Variants in GPANK1 observed in about 807,000 individuals in gnomAD.
GPANK1 encodes the protein G patch domain and ankyrin repeat-containing protein 1.
In GPANK1, 22 loss-of-function variants were observed where a neutral mutation model predicts 24.0. The observed-to-expected ratio is 0.92, with a 90% CI of 0.66 to 1.31. The LOEUF (loss-of-function observed/expected upper bound fraction) is 1.31, where lower values mean the gene tolerates loss of function less well. Among genes scored for constraint, GPANK1 ranks in the 50% most tolerant of loss-of-function variants. The pLI is 0.00. For missense variants in GPANK1, 469 were observed against 453.5 expected, an observed-to-expected ratio of 1.03 and a Z score of -0.31; for synonymous variants, 174 against 177.4, an observed-to-expected ratio of 0.98 and a Z score of 0.15.
In GPANK1 at chr6:31,664,970, C is replaced by T. The variant is rs753621604; in HGVS notation, c.-229G>A. On this transcript the variant is annotated 5_prime_UTR_variant, in exon 1 of 3. Coordinates refer to ENST00000375896, the MANE Select transcript of GPANK1 (RefSeq NM_033177.4). ...CGGGGAGAGTCTCCTATACGTGTTG[C>T]TGTGTAGCTTCCGTACCGCAAAATG... 11 of 234,734 alleles carry T rather than the reference C, an allele frequency of 4.7e-5. No homozygotes were observed. The highest frequency in any genetic ancestry group is 1.0e-4 in the Admixed American group (2 of 19,756). The allele number at this position is 234,734 out of a possible 1,614,324, so 14.5% of individuals were successfully genotyped here.
At position 31,662,038 on chromosome 6, in the gene GPANK1, C is replaced by G; in HGVS notation, c.*228G>C. The G allele has an allele frequency of 2.4e-6, 1 of 418,258 alleles. No homozygotes were observed. The highest frequency in any genetic ancestry group is 4.2e-6 in the Non-Finnish European group (1 of 237,430). The allele number at this position is 418,258 out of a possible 1,614,324, so 25.9% of individuals were successfully genotyped here. A position where few individuals can be genotyped will look rare whatever the true frequency, so the allele number is the denominator to read the frequency against. ...ACTCAGGTGGGACTTGCATGTGGCTCCCAGGCTTCTGTTTGGCTTCCTCAA... is the reference window on the plus strand; with the variant it reads ...ACTCAGGTGGGACTTGCATGTGGCTGCCAGGCTTCTGTTTGGCTTCCTCAA... On this transcript the variant is annotated 3_prime_UTR_variant, in exon 3 of 3. Coordinates refer to ENST00000375896, the MANE Select transcript of GPANK1 (RefSeq NM_033177.4). The surrounding 1 kb of genome is among the most constrained non-coding windows in gnomAD (Gnocchi z 5.5).
At chr6:31,663,701 A>G in intron 2 of GPANK1, 152 bp downstream of exon 2, 1 of 1,176,830 alleles carries the variant, frequency 8.5e-7, no homozygotes, top group Non-Finnish European at 1.1e-6. Flanking sequence ...CAGGGAGCTC[A>G]TGTTTATAAC....
chr6:31,663,770 A>G, intron 2 of GPANK1, 83 bp downstream of exon 2: 1 of 1,508,008 alleles, frequency 6.6e-7, no homozygotes, highest in Non-Finnish European at 8.9e-7. Flanking sequence ...ACTCTTCAGC[A>G]CTGTGCTGGG....
chr6:31,665,287 T>A (rs573141561), upstream of GPANK1: 1 of 698,376 alleles, frequency 1.4e-6, no homozygotes, highest in East Asian at 2.7e-5. Flanking sequence ...CAAGCCCATT[T>A]TCTGGAGCCA....
upstream of GPANK1, chr6:31,665,035 C>T (rs1801455967): frequency 1.1e-5 from 3 of 282,590 alleles, no homozygotes; most frequent in South Asian, 1.3e-4. Context: ...ATCAAATAGC[C>T]ACACGGCACG....
Position 31,662,981 on chromosome 6 carries a change from C to G in GPANK1, c.627-271G>C, listed in dbSNP as rs2151164338. On this transcript the variant is annotated intron_variant, in intron 2 of 2. Transcript: ENST00000375896. The surrounding 1 kb of genome is among the most constrained non-coding windows in gnomAD (Gnocchi z 5.5). The stretch of plus-strand genomic sequence containing the variant: ...TTTTTTTTTTTGAGATGGAGTCTTG[C>G]TCTGCTGCCCAGGTTGGAGTGCAGT... 7.7e-6 allele frequency among the ~76,000 whole-genome samples: 1 copy of G among 129,958 alleles called. No homozygotes were observed. The highest frequency in any genetic ancestry group is 8.3e-5 in the Admixed American group (1 of 12,010). 85.3% of individuals were successfully genotyped at this position (129,958 alleles called of 152,430 possible).
upstream of GPANK1, chr6:31,666,101 A>T (rs1162809123): frequency 1.0e-6 from 1 of 965,662 alleles, no homozygotes; most frequent in South Asian, 4.5e-5. Context: ...CCCCCACCCC[A>T]CTTCGCCTGC....
chr6:31,662,947 C>CTT lies in GPANK1; in HGVS notation c.627-239_627-238dup, dbSNP rs34062373. 6.6e-3 allele frequency among the ~76,000 whole-genome samples: 797 copies of CTT among 120,770 alleles called. 22 individuals carry two copies. Among genetic ancestry groups the CTT allele is most frequent in the East Asian group, 0.041 (182 of 4,404 alleles). 79.2% of individuals were successfully genotyped at this position (120,770 alleles called of 152,430 possible). The stretch of plus-strand genomic sequence containing the variant: ...AGCCTGGGCAAAATGGCAACGCCTG[C>CTT]TTTTTTTTTTTTTTTTTTTGAGATG... On this transcript the variant is annotated intron_variant, in intron 2 of 2. Coordinates refer to ENST00000375896, the MANE Select transcript of GPANK1 (RefSeq NM_033177.4). The surrounding 1 kb of genome is among the most constrained non-coding windows in gnomAD (Gnocchi z 5.5).
At chr6:31,663,773 G>C in intron 2 of GPANK1, 80 bp downstream of exon 2, 1 of 1,515,982 alleles carries the variant, frequency 6.6e-7, no homozygotes, top group Non-Finnish European at 8.8e-7. Flanking sequence ...CTTCAGCACT[G>C]TGCTGGGGCG....
Position 31,662,763 on chromosome 6 carries a change from G to T in GPANK1, c.627-53C>A. The stretch of plus-strand genomic sequence containing the variant: ...GGGCAGGGGAAGGAAAAGGGGAAGA[G>T]TTGAGGCCTCAGAGGGGGCTGGCAG... On this transcript the variant is annotated intron_variant, in intron 2 of 2. Transcript: ENST00000375896. The surrounding 1 kb of genome is among the most constrained non-coding windows in gnomAD (Gnocchi z 5.5). 8.6e-7 allele frequency: 1 copy of T among 1,163,440 alleles called. No individual in the cohort carries two copies. The highest frequency in any genetic ancestry group is 1.2e-6 in the Non-Finnish European group (1 of 808,952). The allele number at this position is 1,163,440 out of a possible 1,614,324, so 72.1% of individuals were successfully genotyped here.
At position 31,664,357 on chromosome 6, in the gene GPANK1, C is replaced by T. The variant is rs3130618; in HGVS notation, c.122G>A (p.Arg41Gln). The change falls in exon 2 of 3, where the codon CGA becomes CAA. Residue 41 changes from arginine (R) to glutamine (Q), a missense_variant. Physicochemically the swap from Arg to Gln is conservative, Grantham distance 43. Transcript: ENST00000375896. ...PESTLDGAAA[R>Q]AFYEALIGDE... ...CCCAATCAGGGCCTCATAGAAAGCT[C>T]GGGCTGCAGCCCCATCCAGGGTGGA... is the stretch of plus-strand genomic sequence containing the variant. The T allele has an allele frequency of 1.9e-6, 3 of 1,613,948 alleles. No individual in the cohort carries two copies. The highest frequency in any genetic ancestry group is 1.7e-5 in the Admixed American group (1 of 60,008).
chr6:31,665,723 C>T, upstream of GPANK1: 1 of 849,520 alleles, frequency 1.2e-6, no homozygotes, highest in Non-Finnish European at 1.8e-6. Flanking sequence ...AGCGCCGCGC[C>T]GGGACTAGAG....
upstream of GPANK1, chr6:31,666,267 C>A: frequency 1.1e-6 from 1 of 884,628 alleles, no homozygotes; most frequent in Non-Finnish European, 1.4e-6. Flanking sequence ...CACATGGGGT[C>A]TCCGGACTTT....
intron 2 of GPANK1, 84 bp downstream of exon 2, chr6:31,663,769 C>G: frequency 6.6e-7 from 1 of 1,508,306 alleles, no homozygotes; most frequent in Non-Finnish European, 8.8e-7. Flanking sequence ...AACTCTTCAG[C>G]ACTGTGCTGG....
upstream of GPANK1, chr6:31,665,527 G>T (rs528283233): frequency 1.3e-6 from 2 of 1,537,046 alleles, no homozygotes; most frequent in South Asian, 2.4e-5. Flanking sequence ...TTCTCACACC[G>T]CCCACCCCAC....
At chr6:31,665,459 C>T (rs777399982), upstream of GPANK1, 5 of 1,569,708 alleles carry the variant, frequency 3.2e-6, no homozygotes, top group Non-Finnish European at 4.3e-6. Flanking sequence ...TGGAGAAGTG[C>T]AAAGGGACGA....
chr6:31,665,950 A>G (rs1352499071), upstream of GPANK1: 4 of 1,042,502 alleles, frequency 3.8e-6, no homozygotes, highest in Non-Finnish European at 4.6e-6. Flanking sequence ...TGCGCGGGTC[A>G]TCCTGGGATT....
chr6:31,664,519 A>AGGAT lies in GPANK1; in HGVS notation c.-45_-42dup, dbSNP rs747094511. 5.3e-6 allele frequency: 8 copies of AGGAT among 1,513,992 alleles called. No individual in the cohort carries two copies. In the African/African-American group the frequency reaches 1.1e-4, roughly 21 times the overall value. The allele number at this position is 1,513,992 out of a possible 1,614,324, so 93.8% of individuals were successfully genotyped here. A position where few individuals can be genotyped will look rare whatever the true frequency, so the allele number is the denominator to read the frequency against. On this transcript the variant is annotated 5_prime_UTR_variant, in exon 2 of 3. Coordinates refer to ENST00000375896, the MANE Select transcript of GPANK1 (RefSeq NM_033177.4). ...TGAGAAAATGATACCAGGCAAGGGA[A>AGGAT]GGATGAGACAAGTAAGCCAAGCTCG...
At chr6:31,665,633 G>C, upstream of GPANK1, 5 of 982,152 alleles carry the variant, frequency 5.1e-6, no homozygotes, top group Non-Finnish European at 7.8e-6. Context: ...GGTCTCTGGC[G>C]GGACTGATTC....
Sources: allele counts gnomAD v4.1 joint callset (sites outside exome capture counted in the v4.1 genomes callset), GRCh38; gene constraint gnomAD v4.1.1; non-coding constraint Gnocchi (gnomAD v3.1); transcripts MANE v1.5; gene names NCBI Gene and HGNC (gene_info 2026-07-23, HGNC 2026-07-21).